The following RAB37 variants were observed in gnomAD, a reference collection of about 807,000 sequenced individuals.
The protein encoded by RAB37 is ras-related protein Rab-37.
A neutral mutation model predicts 33.1 loss-of-function variants in RAB37; 29 were observed. The observed-to-expected ratio is 0.88, with a 90% CI of 0.65 to 1.20. The LOEUF (loss-of-function observed/expected upper bound fraction) is 1.20. RAB37 is among the 50% of genes most tolerant of loss of function. The probability of loss-of-function intolerance (pLI) is 0.00; values close to 1 mark genes in which losing one functional copy is unlikely to be tolerated. For synonymous variants in RAB37, 128 were observed against 119.5 expected (o/e 1.07, Z -0.47); for missense variants, 299 against 301.1 (o/e 0.99, Z 0.05).
chr17:74,740,503 T>C (rs559343871), intron 1 of RAB37, among the ~76,000 whole-genome samples: 1 of 152,216 alleles, frequency 6.6e-6, no homozygotes, highest in South Asian at 2.1e-4. Flanking sequence ...TGGGGACCTG[T>C]TCATGGTGAG....
chr17:74,675,768 G>T (rs1371092295), intron 1 of RAB37, among the ~76,000 whole-genome samples: 4 of 152,136 alleles, frequency 2.6e-5, no homozygotes, highest in South Asian at 4.1e-4. Flanking sequence ...ATCATGATAG[G>T]CATTGTGTAG....
At chr17:74,675,576 C>T (rs1409323999) in intron 1 of RAB37, among the ~76,000 whole-genome samples, 1 of 152,182 alleles carries the variant, frequency 6.6e-6, no homozygotes, top group East Asian at 1.9e-4. Context: ...CAGAAACACA[C>T]ACACTACCTA....
chr17:74,724,358 G>C (rs1251125321), intron 1 of RAB37, among the ~76,000 whole-genome samples: 2 of 152,228 alleles, frequency 1.3e-5, no homozygotes, highest in Non-Finnish European at 1.5e-5. Context: ...TTCCAAAGGA[G>C]GCAATCAGAT....
At chr17:74,682,092 C>A (rs1340041241) in intron 1 of RAB37, among the ~76,000 whole-genome samples, 2 of 152,216 alleles carry the variant, frequency 1.3e-5, no homozygotes, top group Non-Finnish European at 2.9e-5. Context: ...GCATATAAAT[C>A]ATTTCGGTTG....
intron 1 of RAB37, among the ~76,000 whole-genome samples, chr17:74,686,446 A>G (rs2032056560): frequency 2.0e-5 from 3 of 152,032 alleles, no homozygotes; most frequent in Non-Finnish European, 4.4e-5. Flanking sequence ...GCTGGAGTAC[A>G]GTGGCACCAT....
At chr17:74,710,526 G>A (rs1166795092) in intron 1 of RAB37, among the ~76,000 whole-genome samples, 1 of 151,958 alleles carries the variant, frequency 6.6e-6, no homozygotes, top group Non-Finnish European at 1.5e-5. Context: ...TAAATTCCTA[G>A]GAATAACTTT....
Position 74,676,273 on chromosome 17 carries a change from C to A in RAB37, c.72+4615C>A, listed in dbSNP as rs1201458780. ...TCACCAGGGCTCTAAGGAACATCCA[C>A]ATACCAGACTAGCTTCCAGAGGGAC... is the stretch of plus-strand genomic sequence containing the variant. On this transcript the variant is annotated intron_variant, in intron 1 of 7. Transcript: ENST00000340415. The surrounding 1 kb of genome is among the most constrained non-coding windows in gnomAD (Gnocchi z 4.1). 2.6e-5 allele frequency among the ~76,000 whole-genome samples: 4 copies of A among 152,140 alleles called. No homozygotes were observed. Among genetic ancestry groups the A allele is most frequent in the African/African-American group, 9.7e-5 (4 of 41,402 alleles).
intron 1 of RAB37, among the ~76,000 whole-genome samples, chr17:74,721,794 C>T (rs1252560673): frequency 3.9e-5 from 6 of 152,114 alleles, no homozygotes; most frequent in Admixed American, 3.9e-4. Context: ...CACTTGAAAC[C>T]TTGATAGATA....
Position 74,729,271 on chromosome 17 carries a change from G to A in RAB37, c.88G>A (p.Asp30Asn). 6.2e-7 allele frequency: 1 copy of A among 1,613,896 alleles called. No individual in the cohort carries two copies. The highest frequency in any genetic ancestry group is 8.5e-7 in the Non-Finnish European group (1 of 1,179,802). Residue 30 changes from aspartate (D) to asparagine (N), a missense_variant, in exon 2 of 8, where the codon GAC (aspartate) becomes AAC (asparagine). Physicochemically the swap from Asp to Asn is conservative, Grantham distance 23. Coordinates refer to the RAB37 transcript ENST00000340415. This position sits in a 1 kb window ranked among gnomAD's most constrained non-coding sequence, Gnocchi z 4.2. ...TCCCTTCCAGACCATCCTGGTGGGT[G>A]ACAGTGGTGTGGGAAAGACGTCTCT...
At position 74,671,538 on chromosome 17, in the gene RAB37, G is replaced by A. The variant is rs1439401012; in HGVS notation, c.-49G>A. On this transcript the variant is annotated 5_prime_UTR_variant, in exon 1 of 8. Transcript: ENST00000340415. This position sits in a 1 kb window ranked among gnomAD's most constrained non-coding sequence, Gnocchi z 5.0. ...GAGCTCGAACCGAGCTCCTGGAAGC[G>A]CTGACGCAGAGCGCAGGGAGAGCCG... is the stretch of plus-strand genomic sequence containing the variant. The A allele has an allele frequency of 4.4e-6, 7 of 1,589,272 alleles. No individual in the cohort carries two copies. The highest frequency in any genetic ancestry group is 5.2e-6 in the Non-Finnish European group (6 of 1,158,624).
chr17:74,682,631 G>A (rs778130603), intron 1 of RAB37, among the ~76,000 whole-genome samples: 8 of 152,220 alleles, frequency 5.3e-5, no homozygotes, highest in South Asian at 2.1e-4. Flanking sequence ...TGGGCCGGGC[G>A]TGGTGGATCA....
chr17:74,733,554 CTGAGGTGTGTGTGTGTGG>C (rs1227936921), upstream of RAB37, among the ~76,000 whole-genome samples: 5 of 3,150 alleles, frequency 1.6e-3, no homozygotes, highest in African/African-American at 5.5e-3. Flanking sequence ...TGTGTATGGT[CTGAGGTGTGTGTGTGTGG>C]TGAGGTGTGT....
intron 1 of RAB37, among the ~76,000 whole-genome samples, chr17:74,689,845 A>G (rs574120251): frequency 3.8e-5 from 2 of 51,974 alleles, no homozygotes; most frequent in African/African-American, 6.2e-5. Flanking sequence ...TTGCCAACTC[A>G]GTAGTTTTTT....
At chr17:74,705,555 G>A (rs989338161) in intron 1 of RAB37, among the ~76,000 whole-genome samples, 1 of 152,114 alleles carries the variant, frequency 6.6e-6, no homozygotes, top group Non-Finnish European at 1.5e-5. Flanking sequence ...ATTATAGACA[G>A]TAAGGCAGTA....
intron 1 of RAB37, among the ~76,000 whole-genome samples, chr17:74,703,694 T>A (rs10512597): frequency 1.1e-4 from 17 of 152,130 alleles, no homozygotes; most frequent in Admixed American, 5.2e-4. Context: ...CAAACTAGAA[T>A]ATGCCCCAGA....
chr17:74,696,485 C>T (rs1173463588), intron 1 of RAB37, among the ~76,000 whole-genome samples: 2 of 152,206 alleles, frequency 1.3e-5, no homozygotes, highest in African/African-American at 4.8e-5. Flanking sequence ...CTCAGCTGAT[C>T]GGGTGGCCCT....
At chr17:74,726,713 G>C (rs2034311749) in intron 1 of RAB37, among the ~76,000 whole-genome samples, 1 of 152,236 alleles carries the variant, frequency 6.6e-6, no homozygotes, top group Non-Finnish European at 1.5e-5. Flanking sequence ...ATGGTAAGCA[G>C]ACGCTGATAT....
intron 1 of RAB37, among the ~76,000 whole-genome samples, chr17:74,714,774 T>C (rs1026999177): frequency 6.6e-6 from 1 of 152,046 alleles, no homozygotes. Flanking sequence ...CCCCCATCTC[T>C]CCTTTCCCAT....
chr17:74,679,934 C>T (rs148675845), intron 1 of RAB37, among the ~76,000 whole-genome samples: 1,590 of 142,778 alleles, frequency 0.011, 19 homozygotes, highest in Middle Eastern at 0.055. Flanking sequence ...GCTGAGATTG[C>T]GACACTGCAC....
Sources: allele counts gnomAD v4.1 joint callset (sites outside exome capture counted in the v4.1 genomes callset), GRCh38; gene constraint gnomAD v4.1.1; non-coding constraint Gnocchi (gnomAD v3.1); transcripts MANE v1.5; gene names NCBI Gene and HGNC (gene_info 2026-07-23, HGNC 2026-07-21).